LTAP1: variants seen among roughly 807,000 people sequenced by gnomAD.
LTAP1 encodes HCV NS5A-transactivated protein 4.
chr1:154,207,372 T>C, the LTAP1 span: 1 of 1,379,960 alleles, frequency 7.2e-7, no homozygotes, highest in East Asian at 2.3e-5. Flanking sequence ...GGCCAGATGT[T>C]CCGAGGGCGG....
chr1:154,216,800 C>A, the LTAP1 span, among the ~76,000 whole-genome samples: 2 of 152,002 alleles, frequency 1.3e-5, no homozygotes, highest in African/African-American at 4.8e-5. Context: ...AGGCGTGAAC[C>A]ACCGCGCCTG....
chr1:154,219,164 A>AT, the LTAP1 span, among the ~76,000 whole-genome samples: 1 of 152,206 alleles, frequency 6.6e-6, no homozygotes, highest in Non-Finnish European at 1.5e-5. Flanking sequence ...TCTGATTCAC[A>AT]AATGTTGGGT....
At chr1:154,212,662 C>A in the LTAP1 span, 31 of 1,610,076 alleles carry the variant, frequency 1.9e-5, no homozygotes, top group Non-Finnish European at 2.2e-5. Flanking sequence ...TCTTCTCATT[C>A]TTTAGTCTTT....
the LTAP1 span, chr1:154,214,494 A>G: frequency 1.9e-6 from 3 of 1,614,038 alleles, no homozygotes; most frequent in Non-Finnish European, 2.5e-6. Flanking sequence ...GTAGTCTAGC[A>G]TCATCATCTG....
the LTAP1 span, among the ~76,000 whole-genome samples, chr1:154,214,785 T>C: frequency 2.0e-5 from 3 of 152,038 alleles, no homozygotes; most frequent in Admixed American, 6.6e-5. Flanking sequence ...ATCTCTAAGC[T>C]AGAACATTTA....
At chr1:154,207,701 T>G in the LTAP1 span, 26 of 1,408,252 alleles carry the variant, frequency 1.8e-5, no homozygotes, top group Non-Finnish European at 2.3e-5. Flanking sequence ...ATCAAAGAAA[T>G]CAGGGCTTAT....
chr1:154,213,842 C>T, the LTAP1 span: 1 of 1,493,208 alleles, frequency 6.7e-7, no homozygotes, highest in South Asian at 1.1e-5. Flanking sequence ...TACTCTGTTC[C>T]CTAGGTGGGC....
chr1:154,214,743 T>C, the LTAP1 span, among the ~76,000 whole-genome samples: 1 of 152,196 alleles, frequency 6.6e-6, no homozygotes, highest in African/African-American at 2.4e-5. Flanking sequence ...AAGAACGGGA[T>C]TGGGTTTTCC....
chr1:154,215,496 G>A, the LTAP1 span, among the ~76,000 whole-genome samples: 1 of 151,238 alleles, frequency 6.6e-6, no homozygotes, highest in African/African-American at 2.4e-5. Flanking sequence ...AACCCGGGAG[G>A]CAGAGCTTGC....
the LTAP1 span, chr1:154,220,119 G>A: frequency 4.2e-6 from 3 of 717,944 alleles, no homozygotes; most frequent in African/African-American, 5.4e-5. Context: ...GCAGCAGGGA[G>A]GCGTGGGGTC....
At chr1:154,220,446 C>T in the LTAP1 span, 3 of 1,613,038 alleles carry the variant, frequency 1.9e-6, no homozygotes, top group South Asian at 3.3e-5. Flanking sequence ...GGGTTTACCC[C>T]GCTGTCCTGG....
the LTAP1 span, among the ~76,000 whole-genome samples, chr1:154,214,184 G>C: frequency 2.0e-5 from 3 of 152,200 alleles, no homozygotes; most frequent in Non-Finnish European, 2.9e-5. Flanking sequence ...GGCTGAGGTA[G>C]AAGAATTGCT....
chr1:154,214,838 T>C, the LTAP1 span, among the ~76,000 whole-genome samples: 1 of 145,716 alleles, frequency 6.9e-6, no homozygotes, highest in Non-Finnish European at 1.5e-5. Flanking sequence ...ACCAACATTA[T>C]TTCCAATTTT....
the LTAP1 span, among the ~76,000 whole-genome samples, chr1:154,209,144 T>A: frequency 1.3e-5 from 2 of 152,134 alleles, no homozygotes; most frequent in African/African-American, 4.8e-5. Context: ...TAGTGTTAAG[T>A]ATATTCACAG....
At chr1:154,220,137 T>C in the LTAP1 span, 4 of 736,508 alleles carry the variant, frequency 5.4e-6, no homozygotes, top group Middle Eastern at 8.6e-4. Context: ...GTCTGTGCTC[T>C]AGCGTTAAAG....
At chr1:154,220,241 G>T in the LTAP1 span, 1 of 1,396,496 alleles carries the variant, frequency 7.2e-7, no homozygotes, top group Non-Finnish European at 1.0e-6. Flanking sequence ...CCGGATAGGC[G>T]CAGGTGAGTG....
the LTAP1 span, among the ~76,000 whole-genome samples, chr1:154,215,745 A>T: frequency 2.6e-5 from 4 of 152,234 alleles, no homozygotes; most frequent in Non-Finnish European, 4.4e-5. Flanking sequence ...AATACAGGTA[A>T]CATAGATGTA....
the LTAP1 span, among the ~76,000 whole-genome samples, chr1:154,213,013 T>A: frequency 2.0e-5 from 3 of 151,940 alleles, no homozygotes; most frequent in Non-Finnish European, 2.9e-5. Flanking sequence ...AACTTAGAAG[T>A]AGGTCTAATG....
chr1:154,219,820 T>C, the LTAP1 span: 5 of 1,556,306 alleles, frequency 3.2e-6, no homozygotes, highest in South Asian at 5.9e-5. Flanking sequence ...GTTTAACTTG[T>C]GCCCTAAGGA....
Sources: gnomAD v4.1 joint callset for allele counts (sites outside exome capture counted in the v4.1 genomes callset) on GRCh38, gnomAD v4.1.1 for gene constraint, MANE v1.5 for transcripts, NCBI Gene and HGNC (gene_info 2026-07-23, HGNC 2026-07-21) for gene names.